The following TMEM130 variants were observed in gnomAD, a reference collection of about 807,000 sequenced individuals.
TMEM130 encodes the protein transmembrane protein 130.
TMEM130 carries 37 observed loss-of-function variants against 42.9 expected under a neutral mutation model. The observed-to-expected ratio is 0.86, with a 90% CI of 0.66 to 1.13. The LOEUF (loss-of-function observed/expected upper bound fraction) is 1.13. Ranked by LOEUF, TMEM130 falls within the 50% of genes most tolerant of loss-of-function variation. TMEM130 has a pLI of 0.00. For missense variants in TMEM130, 545 were observed against 562.6 expected (o/e 0.97, Z 0.32); for synonymous variants, 259 against 237.7 (o/e 1.09, Z -0.82).
intron 3 of TMEM130, among the ~76,000 whole-genome samples, chr7:98,857,624 C>T (rs1554399213): frequency 6.6e-6 from 1 of 151,536 alleles, no homozygotes; most frequent in East Asian, 2.0e-4. Context: ...CACTTGAGGC[C>T]AGGAGGCGGA....
intron 6 of TMEM130, 71 bp downstream of exon 6, chr7:98,851,350 G>T: frequency 1.3e-6 from 2 of 1,487,732 alleles, no homozygotes; most frequent in Non-Finnish European, 1.9e-6. Context: ...GAGCGTATTG[G>T]TGGTGGTGGC....
At chr7:98,856,902 C>A (rs1366206437) in intron 3 of TMEM130, among the ~76,000 whole-genome samples, 1 of 151,896 alleles carries the variant, frequency 6.6e-6, no homozygotes, top group Non-Finnish European at 1.5e-5. Context: ...TTTTATCTCT[C>A]TCTCCCTTTT....
chr7:98,869,627 T>C lies in TMEM130; in HGVS notation c.85+150A>G. 4 of 648,844 alleles carry C rather than the reference T, an allele frequency of 6.2e-6. No individual in the cohort carries two copies. The highest frequency in any genetic ancestry group is 9.3e-6 in the Non-Finnish European group (4 of 429,908). 40.2% of individuals were successfully genotyped at this position (648,844 alleles called of 1,614,324 possible). ...GATGAAAGGAGAGGGGAAAGGGCGC[T>C]GCAGTGGCCTCAGCCGAGGAGGGAG... On this transcript the variant is annotated intron_variant, in intron 1 of 7. Coordinates refer to ENST00000339375, the MANE Select transcript of TMEM130 (RefSeq NM_152913.3). The surrounding 1 kb of genome is among the most constrained non-coding windows in gnomAD (Gnocchi z 4.7).
chr7:98,849,272 T>G (rs1278487022), intron 6 of TMEM130, among the ~76,000 whole-genome samples: 1 of 152,168 alleles, frequency 6.6e-6, no homozygotes, highest in Non-Finnish European at 1.5e-5. Flanking sequence ...TAGCTCTGAA[T>G]AGGCTACCTC....
intron 1 of TMEM130, 66 bp from the exon 2 acceptor site, chr7:98,863,466 C>G: frequency 7.0e-7 from 1 of 1,420,088 alleles, no homozygotes; most frequent in Non-Finnish European, 9.4e-7. Flanking sequence ...ACAGCCACCT[C>G]TGGGCTGGCA....
At chr7:98,863,514 C>T (rs1794836372) in intron 1 of TMEM130, 114 bp from the exon 2 acceptor site, 1 of 1,115,540 alleles carries the variant, frequency 9.0e-7, no homozygotes, top group South Asian at 1.7e-5. Context: ...AACTGAGGCT[C>T]AGGCAGCTCA....
At chr7:98,861,504 C>T (rs1794770034) in intron 2 of TMEM130, among the ~76,000 whole-genome samples, 2 of 152,042 alleles carry the variant, frequency 1.3e-5, no homozygotes, top group Admixed American at 1.3e-4. Context: ...CACTTGAGGC[C>T]AGGAGTTTGA....
intron 3 of TMEM130, among the ~76,000 whole-genome samples, chr7:98,859,968 C>T (rs4729499): frequency 0.015 from 2,233 of 151,588 alleles, 25 homozygotes; most frequent in Admixed American, 0.025. Context: ...ACTGGGGAGG[C>T]TGAGGCAGGA....
intron 2 of TMEM130, 133 bp downstream of exon 2, chr7:98,862,962 G>A: frequency 1.0e-6 from 1 of 983,464 alleles, no homozygotes; most frequent in Non-Finnish European, 1.5e-6. Context: ...ACTGACCCGG[G>A]GAAGGAACCT....
chr7:98,850,227 C>CCT (rs1273619221), intron 6 of TMEM130, among the ~76,000 whole-genome samples: 2 of 121,086 alleles, frequency 1.7e-5, no homozygotes, highest in African/African-American at 2.8e-5. Context: ...TCTCTCAATC[C>CCT]CTCTCTCTCT....
At chr7:98,852,196 A>G (rs1794525889) in intron 5 of TMEM130, among the ~76,000 whole-genome samples, 1 of 152,052 alleles carries the variant, frequency 6.6e-6, no homozygotes. Flanking sequence ...GCTGGAGTGC[A>G]ATGGCGCGAT....
chr7:98,850,102 T>A (rs1554397977), intron 6 of TMEM130, among the ~76,000 whole-genome samples: 3 of 150,764 alleles, frequency 2.0e-5, no homozygotes, highest in African/African-American at 7.3e-5. Context: ...CAGGCTGGAG[T>A]GCTGTGGTGT....
At position 98,850,785 on chromosome 7, in the gene TMEM130, G is replaced by A. The variant is rs191588040; in HGVS notation, c.1006+636C>T. On this transcript the variant is annotated intron_variant, in intron 6 of 7. Transcript: ENST00000339375. ...GTGAGTTGAGTAGAGTTACTGTTGG[G>A]GATGCTGGTTTTAGCAGTGGCAACT... Among the ~76,000 whole-genome samples the A allele has an allele frequency of 6.6e-5, 10 of 152,238 alleles. No homozygotes were observed. The East Asian group carries it at 1.9e-3, about 29-fold the overall frequency.
At chr7:98,864,184 ACATTTCTACCATTCCC>A (rs1369540177) in intron 1 of TMEM130, among the ~76,000 whole-genome samples, 4 of 152,072 alleles carry the variant, frequency 2.6e-5, no homozygotes, top group African/African-American at 9.6e-5. Flanking sequence ...CACACAGAGA[ACATTTCTACCATTCCC>A]CAGAATTCTT....
chr7:98,854,294 G>T (rs1554398636), intron 5 of TMEM130, among the ~76,000 whole-genome samples: 3 of 152,178 alleles, frequency 2.0e-5, no homozygotes, highest in African/African-American at 7.2e-5. Flanking sequence ...AACCCTGAAA[G>T]AACCACATGG....
At chr7:98,866,876 G>A (rs2116141655) in intron 1 of TMEM130, 2 of 152,034 alleles carry the variant, frequency 1.3e-5, no homozygotes, top group Admixed American at 1.3e-4. Context: ...AGGGTCACTT[G>A]AGCCCAGGAG....
Position 98,847,934 on chromosome 7 carries a change from G to A in TMEM130, c.*122C>T, listed in dbSNP as rs1318719088. 2 of 933,970 alleles carry A rather than the reference G, an allele frequency of 2.1e-6. No individual in the cohort carries two copies. The highest frequency in any genetic ancestry group is 5.0e-5 in the East Asian group (2 of 40,132). 57.9% of individuals were successfully genotyped at this position (933,970 alleles called of 1,614,324 possible). A position where few individuals can be genotyped will look rare whatever the true frequency, so the allele number is the denominator to read the frequency against. On this transcript the variant is annotated 3_prime_UTR_variant, in exon 8 of 8. Transcript: ENST00000339375. ...AGTGGCTGAACTGTACAGATGGATGGATGATCCAGGCCAACAGCCCCACGC... is the reference window on the plus strand; with the variant it reads ...AGTGGCTGAACTGTACAGATGGATGAATGATCCAGGCCAACAGCCCCACGC...
chr7:98,861,725 ATAAAT>A (rs1380187091), intron 2 of TMEM130, among the ~76,000 whole-genome samples: 1 of 152,202 alleles, frequency 6.6e-6, no homozygotes, highest in Non-Finnish European at 1.5e-5. Context: ...AATAGTAATA[ATAAAT>A]TAATTAAAAT....
In TMEM130 at chr7:98,869,892, C is replaced by A; in HGVS notation, c.-31G>T. ...GGCCCGGAGCGGGAGAAGCGTGGGG[C>A]GGACGCGGAGGGAATGCAGCTGGAG... On this transcript the variant is annotated 5_prime_UTR_variant, in exon 1 of 8. Transcript: ENST00000339375. The surrounding 1 kb of genome is among the most constrained non-coding windows in gnomAD (Gnocchi z 4.7). The A allele has an allele frequency of 7.6e-7, 1 of 1,310,876 alleles. No individual in the cohort carries two copies. Among genetic ancestry groups the A allele is most frequent in the Non-Finnish European group, 9.7e-7 (1 of 1,026,686 alleles). 81.2% of individuals were successfully genotyped at this position (1,310,876 alleles called of 1,614,324 possible). A position where few individuals can be genotyped will look rare whatever the true frequency, so the allele number is the denominator to read the frequency against.
Sources: allele counts gnomAD v4.1 joint callset (sites outside exome capture counted in the v4.1 genomes callset), GRCh38; gene constraint gnomAD v4.1.1; non-coding constraint Gnocchi (gnomAD v3.1); transcripts MANE v1.5; gene names NCBI Gene and HGNC (gene_info 2026-07-23, HGNC 2026-07-21).